Variants in VWA8 observed in about 807,000 individuals in gnomAD.
The protein encoded by VWA8 is von Willebrand factor A domain containing 8, also known as von Willebrand factor A domain-containing protein 8.
In VWA8, 221 loss-of-function variants were observed where a neutral mutation model predicts 241.5. That is an observed-to-expected ratio of 0.91 (90% CI 0.82 to 1.02). VWA8 has a LOEUF of 1.02. Ranked by LOEUF, VWA8 falls within the 50% of genes least tolerant of loss-of-function variation. The pLI is 0.00. For synonymous variants in VWA8, 852 were observed against 827.1 expected, an observed-to-expected ratio of 1.03 and a Z score of -0.52; for missense variants, 2,322 against 2,328.7, an observed-to-expected ratio of 1.00 and a Z score of 0.06.
At chr13:41,731,262 T>A (rs1170327534) in intron 22 of VWA8, among the ~76,000 whole-genome samples, 1 of 152,034 alleles carries the variant, frequency 6.6e-6, no homozygotes, top group Non-Finnish European at 1.5e-5. Context: ...AGGTGTCATG[T>A]GCGCAGAGGG....
Position 41,907,716 on chromosome 13 carries a change from A to T in VWA8, c.373-20T>A. 6.3e-7 allele frequency: 1 copy of T among 1,598,128 alleles called. No individual in the cohort carries two copies. The highest frequency in any genetic ancestry group is 1.3e-5 in the African/African-American group (1 of 74,696). ...CAGCTCCTGTAGAGAAGAGAATGAA[A>T]TTATTCCAAAAATAAAATCAAATTT... On this transcript the variant is annotated intron_variant, in intron 3 of 44. Coordinates refer to ENST00000379310, the MANE Select transcript of VWA8 (RefSeq NM_015058.2).
At position 41,575,843 on chromosome 13, in the gene VWA8, A is replaced by G; in HGVS notation, c.5272-5T>C. The G allele has an allele frequency of 6.2e-7, 1 of 1,600,336 alleles. No individual in the cohort carries two copies. Among genetic ancestry groups the G allele is most frequent in the Non-Finnish European group, 8.5e-7 (1 of 1,173,002 alleles). ...AGAGTGTCCAACGATGTCATACTAC[A>G]TGCAAGAGAACCAGAAAGTTATAAA... is the stretch of plus-strand genomic sequence containing the variant. On this transcript the variant is annotated splice_region_variant and splice_polypyrimidine_tract_variant and intron_variant, in intron 42 of 44. Transcript: ENST00000379310.
intron 43 of VWA8, among the ~76,000 whole-genome samples, chr13:41,572,065 C>T (rs894146949): frequency 1.1e-4 from 17 of 151,760 alleles, no homozygotes; most frequent in Non-Finnish European, 1.6e-4. Context: ...TGAGGAGTGT[C>T]TCTGATCGGC....
chr13:41,845,891 G>A (rs1872270512), intron 12 of VWA8, among the ~76,000 whole-genome samples: 1 of 152,090 alleles, frequency 6.6e-6, no homozygotes, highest in African/African-American at 2.4e-5. Context: ...TATGCTACCT[G>A]GGTGATACGA....
At position 41,960,991 on chromosome 13, in the gene VWA8, C is replaced by G. The variant is rs773219232; in HGVS notation, c.25G>C (p.Gly9Arg). Residue 9 changes from glycine to arginine, a missense_variant, in exon 1 of 45, where the codon GGG (glycine) becomes CGG (arginine). Coordinates refer to ENST00000379310, the MANE Select transcript of VWA8 (RefSeq NM_015058.2). ...GGGCCGCCGTGGCCTCCGGGTGCCC[C>G]GAGGAGTAGAAGCCGGGATTGCATG... MQSRLLLL[G>R]APGGHGGPAS... is the part of the protein sequence containing the mutation. 3.0e-5 allele frequency: 42 copies of G among 1,395,482 alleles called. No homozygotes were observed. The South Asian group carries it at 4.6e-4, about 15-fold the overall frequency. The allele number at this position is 1,395,482 out of a possible 1,614,324, so 86.4% of individuals were successfully genotyped here. A position where few individuals can be genotyped will look rare whatever the true frequency, so the allele number is the denominator to read the frequency against.
chr13:41,595,526 T>A (rs2044482443), intron 40 of VWA8, among the ~76,000 whole-genome samples: 1 of 152,144 alleles, frequency 6.6e-6, no homozygotes, highest in African/African-American at 2.4e-5. Context: ...CATTACCTTC[T>A]CCCTGCCAAA....
chr13:41,755,340 A>C (rs1353801140), intron 21 of VWA8, among the ~76,000 whole-genome samples: 1 of 152,038 alleles, frequency 6.6e-6, no homozygotes, highest in African/African-American at 2.4e-5. Flanking sequence ...ACAGAAATCG[A>C]GACTTTTCAC....
chr13:41,789,842 T>G (rs1018677744), intron 17 of VWA8, among the ~76,000 whole-genome samples: 1 of 152,208 alleles, frequency 6.6e-6, no homozygotes, highest in African/African-American at 2.4e-5. Context: ...ATTTTAAATC[T>G]TAAATTTCCA....
chr13:41,762,747 C>G (rs1316262327), intron 20 of VWA8, among the ~76,000 whole-genome samples: 1 of 152,086 alleles, frequency 6.6e-6, no homozygotes, highest in Non-Finnish European at 1.5e-5. Context: ...AAATTCAAAT[C>G]AATTGAAATG....
intron 9 of VWA8, among the ~76,000 whole-genome samples, chr13:41,869,970 CA>C (rs1593831748): frequency 6.6e-6 from 1 of 151,994 alleles, no homozygotes; most frequent in Non-Finnish European, 1.5e-5. Context: ...ATGTATTCAG[CA>C]GAATGAAAGA....
chr13:41,690,127 C>A, intron 33 of VWA8, 39 bp downstream of exon 33: 1 of 1,543,334 alleles, frequency 6.5e-7, no homozygotes, highest in Non-Finnish European at 8.9e-7. Context: ...TACAAGCATG[C>A]ACTCACACAG....
At chr13:41,695,171 A>G (rs2045208481) in intron 29 of VWA8, among the ~76,000 whole-genome samples, 1 of 152,132 alleles carries the variant, frequency 6.6e-6, no homozygotes, top group South Asian at 2.1e-4. Context: ...TAACTGGGAG[A>G]AAAGTAACCT....
At chr13:41,777,337 G>A (rs375111796) in intron 20 of VWA8, among the ~76,000 whole-genome samples, 11 of 152,300 alleles carry the variant, frequency 7.2e-5, no homozygotes, top group African/African-American at 2.4e-4. Flanking sequence ...GAGTTAAAGG[G>A]AGGGTATATG....
intron 2 of VWA8, among the ~76,000 whole-genome samples, chr13:41,914,598 T>C (rs1876166124): frequency 6.6e-6 from 1 of 152,222 alleles, no homozygotes; most frequent in Non-Finnish European, 1.5e-5. Flanking sequence ...CAATGTTCTC[T>C]ATGCTGTAAA....
At chr13:41,932,987 A>G (rs1877193043) in intron 2 of VWA8, among the ~76,000 whole-genome samples, 1 of 152,026 alleles carries the variant, frequency 6.6e-6, no homozygotes, top group Non-Finnish European at 1.5e-5. Flanking sequence ...TTTAGCAAGT[A>G]CAATAAGGTA....
At chr13:41,764,924 G>C (rs1311483810) in intron 20 of VWA8, among the ~76,000 whole-genome samples, 2 of 152,044 alleles carry the variant, frequency 1.3e-5, no homozygotes, top group Non-Finnish European at 2.9e-5. Context: ...GTGGAGTCTG[G>C]TAGAGAGCAG....
chr13:41,888,587 C>T (rs1874661148), intron 5 of VWA8, among the ~76,000 whole-genome samples: 1 of 152,200 alleles, frequency 6.6e-6, no homozygotes, highest in African/African-American at 2.4e-5. Flanking sequence ...TCAGTCAAAG[C>T]TCAGCACAAA....
chr13:41,951,982 A>G (rs1222179706), intron 1 of VWA8, among the ~76,000 whole-genome samples: 1 of 152,214 alleles, frequency 6.6e-6, no homozygotes, highest in Non-Finnish European at 1.5e-5. Context: ...AGAAAAAAGC[A>G]AGGCAAAAGA....
At chr13:41,628,006 C>A (rs543904164) in intron 37 of VWA8, among the ~76,000 whole-genome samples, 11 of 151,840 alleles carry the variant, frequency 7.2e-5, no homozygotes, top group Non-Finnish European at 1.5e-5. Flanking sequence ...GGGCATACAC[C>A]GAGTAAATGA....
Sources: gnomAD v4.1 joint callset for allele counts (sites outside exome capture counted in the v4.1 genomes callset) on GRCh38, gnomAD v4.1.1 for gene constraint, MANE v1.5 for transcripts, NCBI Gene and HGNC (gene_info 2026-07-23, HGNC 2026-07-21) for gene names.